Variants in MED13L observed in about 807,000 individuals in gnomAD.
MED13L encodes the protein mediator complex subunit 13L.
MED13L carries 7 observed loss-of-function variants against 220.9 expected under a neutral mutation model. The ratio of observed to expected loss-of-function variants is 0.03; its 90% CI spans 0.02 to 0.06. The LOEUF (loss-of-function observed/expected upper bound fraction) is 0.06, where lower values mean the gene tolerates loss of function less well. Among genes scored for constraint, MED13L ranks in the 10% least tolerant of loss-of-function variants. MED13L has a pLI of 1.00. For missense variants in MED13L, 1,965 were observed against 2,760.5 expected, an observed-to-expected ratio of 0.71 and a Z score of 6.46; for synonymous variants, 1,011 against 1,015.2, an observed-to-expected ratio of 1.00 and a Z score of 0.08.
chr12:116,232,174 C>A (rs1298402194), intron 2 of MED13L: 1 of 975,832 alleles, frequency 1.0e-6, no homozygotes, highest in Non-Finnish European at 1.2e-6. Context: ...ATAGAAAAAG[C>A]AATATTTATG....
At chr12:116,194,353 C>A (rs1881483900) in intron 2 of MED13L, among the ~76,000 whole-genome samples, 1 of 152,144 alleles carries the variant, frequency 6.6e-6, no homozygotes, top group South Asian at 2.1e-4. Flanking sequence ...TTAGTAGAGA[C>A]AGGGTTTCTC....
At chr12:116,140,495 C>T (rs55819608) in intron 2 of MED13L, among the ~76,000 whole-genome samples, 19,663 of 151,996 alleles carry the variant, frequency 0.13, 1,586 homozygotes, top group South Asian at 0.19. Flanking sequence ...ATATGTGTAC[C>T]CACACACATA....
chr12:116,105,296 G>C (rs554478057), intron 3 of MED13L, among the ~76,000 whole-genome samples: 1 of 152,204 alleles, frequency 6.6e-6, no homozygotes, highest in African/African-American at 2.4e-5. Flanking sequence ...AATCTCAACT[G>C]GTGCATTATT....
chr12:116,250,992 G>A (rs1871501265), intron 1 of MED13L, among the ~76,000 whole-genome samples: 1 of 151,758 alleles, frequency 6.6e-6, no homozygotes, highest in Non-Finnish European at 1.5e-5. Flanking sequence ...TTGAAGGTAA[G>A]CTGTGGTAAG....
Position 115,961,223 on chromosome 12 carries a change from C to T in MED13L, c.*43G>A. On this transcript the variant is annotated 3_prime_UTR_variant, in exon 31 of 31. Transcript: ENST00000281928. The stretch of plus-strand genomic sequence containing the variant: ...TAGCAGGTTCCTTGGACTGAGGTTG[C>T]AGGGAGAAGGAACTGAGCCAGAGAG... 1 of 1,612,236 alleles carries T rather than the reference C, an allele frequency of 6.2e-7. No individual in the cohort carries two copies. The highest frequency in any genetic ancestry group is 8.5e-7 in the Non-Finnish European group (1 of 1,178,438).
chr12:116,035,937 C>T (rs867339662), intron 4 of MED13L, among the ~76,000 whole-genome samples: 2 of 152,144 alleles, frequency 1.3e-5, no homozygotes, highest in Admixed American at 6.6e-5. Flanking sequence ...AACTTCATCT[C>T]TCACTATTTT....
chr12:116,271,439 A>C (rs1298357954), intron 1 of MED13L, among the ~76,000 whole-genome samples: 2 of 151,832 alleles, frequency 1.3e-5, no homozygotes, highest in Admixed American at 1.3e-4. Flanking sequence ...ACATACAAAA[A>C]AAAAATTAGC....
Position 116,234,330 on chromosome 12 carries a change from C to T in MED13L, c.310+3138G>A, listed in dbSNP as rs140307171. Among the ~76,000 whole-genome samples, 10 of 152,018 alleles carry T rather than the reference C, an allele frequency of 6.6e-5. No homozygotes were observed. In the East Asian group the frequency reaches 1.2e-3, roughly 18 times the overall value. On this transcript the variant is annotated intron_variant, in intron 2 of 30. Coordinates refer to ENST00000281928, the MANE Select transcript of MED13L (RefSeq NM_015335.5). ...GTAACCTCTGCCTCCCGGTTTCCAG[C>T]GACTGTCCTGTCTCAGCCTCTCCAG...
chr12:116,056,079 T>C, intron 4 of MED13L, among the ~76,000 whole-genome samples: 1 of 151,910 alleles, frequency 6.6e-6, no homozygotes, highest in Non-Finnish European at 1.5e-5. Flanking sequence ...AGTAAGCTGC[T>C]GGCAGCCCAA....
chr12:116,148,930 T>G (rs1318610361), intron 2 of MED13L, among the ~76,000 whole-genome samples: 1 of 152,198 alleles, frequency 6.6e-6, no homozygotes, highest in Non-Finnish European at 1.5e-5. Flanking sequence ...GATCATGTTT[T>G]TAAACTCACT....
At chr12:116,085,409 T>C (rs184325069) in intron 4 of MED13L, among the ~76,000 whole-genome samples, 8 of 152,284 alleles carry the variant, frequency 5.3e-5, no homozygotes, top group Admixed American at 2.0e-4. Flanking sequence ...TAAAAGATCA[T>C]CTTTTAACAT....
chr12:115,997,073 T>C lies in MED13L; in HGVS notation c.2727A>G (p.Gln909=), dbSNP rs1213272853. The change falls in exon 15 of 31, where the codon CAA becomes CAG. Residue 909 remains glutamine (Q), a synonymous_variant. Coordinates refer to ENST00000281928, the MANE Select transcript of MED13L (RefSeq NM_015335.5). ...ESPMVSMVST[Q]LTEFKMEVED... is the part of the protein sequence containing the mutation. ...CCACTTCCATTTTGAATTCTGTGAG[T>C]TGTGTTGAAACCATACTGACCATAG... 1 of 1,614,102 alleles carries C rather than the reference T, an allele frequency of 6.2e-7. No individual in the cohort carries two copies. Among genetic ancestry groups the C allele is most frequent in the Non-Finnish European group, 8.5e-7 (1 of 1,179,998 alleles).
chr12:116,182,605 C>T (rs764720094), intron 2 of MED13L, among the ~76,000 whole-genome samples: 1 of 152,162 alleles, frequency 6.6e-6, no homozygotes, highest in Non-Finnish European at 1.5e-5. Context: ...GAACACTGCT[C>T]CAGCAATTCT....
At chr12:116,015,050 G>C in intron 8 of MED13L, 59 bp downstream of exon 8, 1 of 1,515,580 alleles carries the variant, frequency 6.6e-7, no homozygotes, top group African/African-American at 1.4e-5. Context: ...ACATTTTCCA[G>C]GTAGCAATCA....
intron 13 of MED13L, among the ~76,000 whole-genome samples, chr12:116,003,522 A>C (rs573049918): frequency 6.6e-6 from 1 of 151,826 alleles, no homozygotes; most frequent in Admixed American, 6.6e-5. Context: ...CATTTATCAC[A>C]ACAAACTATG....
At chr12:116,198,909 A>T (rs1881825611) in intron 2 of MED13L, among the ~76,000 whole-genome samples, 1 of 152,236 alleles carries the variant, frequency 6.6e-6, no homozygotes, top group Non-Finnish European at 1.5e-5. Context: ...ATTAAGTCTT[A>T]GTACATCAGA....
chr12:116,168,302 T>C (rs1879432432), intron 2 of MED13L, among the ~76,000 whole-genome samples: 1 of 151,592 alleles, frequency 6.6e-6, no homozygotes, highest in South Asian at 2.1e-4. Context: ...CCACGAATAG[T>C]GTCTTGTGCT....
intron 2 of MED13L, among the ~76,000 whole-genome samples, chr12:116,177,748 T>C (rs1383267590): frequency 1.3e-5 from 2 of 152,188 alleles, no homozygotes; most frequent in African/African-American, 2.4e-5. Flanking sequence ...AGGTAACACA[T>C]TAAAAGAGTT....
intron 3 of MED13L, among the ~76,000 whole-genome samples, chr12:116,103,999 C>CTTTTTTTTTTTTTTTTTTTTTTTT (rs36066243): frequency 3.5e-5 from 2 of 57,418 alleles, no homozygotes; most frequent in Non-Finnish European, 6.0e-5. Flanking sequence ...GGACATTGCT[C>CTTTTTTTTTTTTTTTTTTTTTTTT]TTTTTTTTTT....
Sources: gnomAD v4.1 joint callset for allele counts (sites outside exome capture counted in the v4.1 genomes callset) on GRCh38, gnomAD v4.1.1 for gene constraint, MANE v1.5 for transcripts, NCBI Gene and HGNC (gene_info 2026-07-23, HGNC 2026-07-21) for gene names.